Variants in PLA2G4F observed in about 807,000 individuals in gnomAD.
PLA2G4F encodes cytosolic phospholipase A2 zeta.
A neutral mutation model predicts 103.1 loss-of-function variants in PLA2G4F; 105 were observed. The ratio of observed to expected loss-of-function variants is 1.02; its 90% CI spans 0.87 to 1.20. PLA2G4F has a LOEUF of 1.20. PLA2G4F is among the 50% of genes most tolerant of loss of function. The pLI, the probability that PLA2G4F is intolerant of heterozygous loss-of-function variation, is 0.00. For missense variants in PLA2G4F, 1,155 were observed against 1,075.9 expected (o/e 1.07, Z -1.03); for synonymous variants, 468 against 441.1 (o/e 1.06, Z -0.76).
chr15:42,149,979 G>T, intron 10 of PLA2G4F, 125 bp downstream of exon 10: 1 of 1,535,334 alleles, frequency 6.5e-7, no homozygotes, highest in East Asian at 2.3e-5. Flanking sequence ...CAGAACCAGG[G>T]AGGGAAAAAT....
intron 17 of PLA2G4F, 85 bp from the exon 18 acceptor site, chr15:42,144,229 TTC>T: frequency 3.4e-6 from 5 of 1,488,612 alleles, no homozygotes; most frequent in Non-Finnish European, 4.5e-6. Context: ...CACGTTTGCC[TTC>T]TCTCTGTAGA....
At chr15:42,150,528 GAA>G (rs1219961779) in intron 8 of PLA2G4F, 42 bp from the exon 9 acceptor site, 7 of 1,601,806 alleles carry the variant, frequency 4.4e-6, no homozygotes, top group East Asian at 4.5e-5. Context: ...CAGCAGGGAA[GAA>G]AAGTCTCCCC....
At chr15:42,149,546 GT>G (rs752117872) in intron 11 of PLA2G4F, 166 bp downstream of exon 11, 34 of 985,268 alleles carry the variant, frequency 3.5e-5, no homozygotes, top group Non-Finnish European at 4.0e-5. Flanking sequence ...GGCCAGGGCC[GT>G]TTGGCCCTGG....
chr15:42,147,400 A>G, intron 12 of PLA2G4F, 54 bp from the exon 13 acceptor site: 2 of 1,520,710 alleles, frequency 1.3e-6, no homozygotes, highest in Non-Finnish European at 9.0e-7. Flanking sequence ...GCCACGGGAG[A>G]GAGGGGTGCA....
In PLA2G4F at chr15:42,147,094, CTACGTAT is replaced by C. The variant is rs1324346587; in HGVS notation, c.1419+23_1419+29del. 9 of 1,590,660 alleles carry C rather than the reference CTACGTAT, an allele frequency of 5.7e-6. No homozygotes were observed. The Admixed American group carries it at 1.5e-4, about 27-fold the overall frequency. ...GCGGGTGGAAGGAGTGGAGAGGAGC[CTACGTAT>C]TTCCTTCTGGCTCTTCTCTCACCTC... On this transcript the variant is annotated intron_variant, in intron 13 of 19. Coordinates refer to ENST00000397272, the MANE Select transcript of PLA2G4F (RefSeq NM_213600.4).
Position 42,141,200 on chromosome 15 carries a change from T to C in PLA2G4F, c.*784A>G, listed in dbSNP as rs1166210712. 2.2e-6 allele frequency: 1 copy of C among 456,308 alleles called. No homozygotes were observed. The highest frequency in any genetic ancestry group is 2.4e-5 in the Admixed American group (1 of 42,546). The allele number at this position is 456,308 out of a possible 1,614,324, so 28.3% of individuals were successfully genotyped here. A position where few individuals can be genotyped will look rare whatever the true frequency, so the allele number is the denominator to read the frequency against. On this transcript the variant is annotated 3_prime_UTR_variant, in exon 20 of 20. Coordinates refer to ENST00000397272, the MANE Select transcript of PLA2G4F (RefSeq NM_213600.4). ...GATGCCCCTACTAGACACACCCATT[T>C]AGCTCCTAGGAATGGTGAGACTATA...
At position 42,144,632 on chromosome 15, in the gene PLA2G4F, T is replaced by C. The variant is rs1345588747; in HGVS notation, c.1793A>G (p.Lys598Arg). The C allele has an allele frequency of 6.3e-7, 1 of 1,597,398 alleles. No homozygotes were observed. The highest frequency in any genetic ancestry group is 8.5e-7 in the Non-Finnish European group (1 of 1,171,104). ...CCTCGAGGGGTTGTGCAGCTGAGGC[T>C]TCTGGCAGTCGTCTAGACAGGGGCG... ...GSVNITDDCQ[K>R]PQLHNPSRLR... Residue 598 changes from lysine (K) to arginine (R), a missense_variant, in exon 17 of 20, where the codon AAG (lysine) becomes AGG (arginine). By Grantham distance (26) the Lys-to-Arg change is conservative. Transcript: ENST00000397272.
At chr15:42,144,201 C>G (rs776712427) in intron 17 of PLA2G4F, 57 bp from the exon 18 acceptor site, 5 of 1,530,454 alleles carry the variant, frequency 3.3e-6, no homozygotes, top group Non-Finnish European at 4.4e-6. Context: ...TGCTAGCAAC[C>G]GCTTCTGTAT....
chr15:42,156,243 A>T (rs1566883337), intron 1 of PLA2G4F, among the ~76,000 whole-genome samples, 196 bp downstream of exon 1: 1 of 152,206 alleles, frequency 6.6e-6, no homozygotes, highest in East Asian at 1.9e-4. Flanking sequence ...CAAGTGAACT[A>T]ACCCTCCATT....
rs373869053 is a variant in PLA2G4F at position 42,142,615 on chromosome 15, G to C, written c.2242C>G (p.Leu748Val). ...EDMEEARECY[L>V]FAKAEDPRSP... ...CGGGGGTCCTCAGCCTTGGCAAACAGATAGCACTCACGGGCCTCCTCCATG... is the reference window on the plus strand; with the variant it reads ...CGGGGGTCCTCAGCCTTGGCAAACACATAGCACTCACGGGCCTCCTCCATG... Residue 748 changes from leucine (L) to valine (V), a missense_variant, in exon 19 of 20, where the codon CTG (leucine) becomes GTG (valine). Transcript: ENST00000397272. The C allele has an allele frequency of 1.2e-6, 2 of 1,614,010 alleles. No individual in the cohort carries two copies. Among genetic ancestry groups the C allele is most frequent in the African/African-American group, 1.3e-5 (1 of 74,918 alleles).
Position 42,145,814 on chromosome 15 carries a change from C to G in PLA2G4F, c.1624G>C (p.Gly542Arg). The G allele has an allele frequency of 1.2e-6, 2 of 1,614,146 alleles. No individual in the cohort carries two copies. Among genetic ancestry groups the G allele is most frequent in the Non-Finnish European group, 1.7e-6 (2 of 1,180,038 alleles). The change falls in exon 15 of 20, where the codon GGA becomes CGA. Residue 542 changes from glycine (G) to arginine (R), a missense_variant. Gly to Arg is a moderately radical substitution (Grantham distance 125). Transcript: ENST00000397272. The stretch of plus-strand genomic sequence containing the variant: ...TCAGGCTGGAGCTGCAGCAATCGTC[C>G]CATGAAGAGTTCTGAGCCGAAGAGC... ...TELFGSELFM[G>R]RLLQLQPEPR...
At chr15:42,142,899 G>A (rs553598810) in intron 18 of PLA2G4F, among the ~76,000 whole-genome samples, 185 bp from the exon 19 acceptor site, 14 of 152,090 alleles carry the variant, frequency 9.2e-5, no homozygotes, top group East Asian at 3.9e-4. Flanking sequence ...TTAAACTTCC[G>A]GCCGGGCATG....
chr15:42,140,588 C>T lies in PLA2G4F; in HGVS notation c.*1396G>A, dbSNP rs1399646713. On this transcript the variant is annotated 3_prime_UTR_variant, in exon 20 of 20. Transcript: ENST00000397272. ...AGCCCAAATAACTGGCTCCCCCAGC[C>T]CTCGCAACTCATGCCAGCTGGAGGG... 6.6e-6 allele frequency: 1 copy of T among 152,444 alleles called. No homozygotes were observed. Among genetic ancestry groups the T allele is most frequent in the Non-Finnish European group, 1.5e-5 (1 of 68,238 alleles). 9.4% of individuals were successfully genotyped at this position (152,444 alleles called of 1,614,324 possible). A position where few individuals can be genotyped will look rare whatever the true frequency, so the allele number is the denominator to read the frequency against.
In PLA2G4F at chr15:42,142,068, G is replaced by T; in HGVS notation, c.2466C>A (p.Asn822Lys). 6.2e-7 allele frequency: 1 copy of T among 1,614,154 alleles called. No homozygotes were observed. The highest frequency in any genetic ancestry group is 8.5e-7 in the Non-Finnish European group (1 of 1,180,000). ...TCAAGGTCTCCACGTTGTTCAGGAC[G>T]TTGTATCGACTGAGGGCCACCAGCC... ...FYRLVALSRY[N>K]VLNNVETLKC... Residue 822 changes from asparagine (N) to lysine (K), a missense_variant, in exon 20 of 20, where the codon AAC becomes AAA. By Grantham distance (94) the Asn-to-Lys change is moderately conservative. Transcript: ENST00000397272.
chr15:42,141,184 A>T lies in PLA2G4F; in HGVS notation c.*800T>A, dbSNP rs694456. ...TCTCCCCCGATGAACTGATGCCCCT[A>T]CTAGACACACCCATTTAGCTCCTAG... On this transcript the variant is annotated 3_prime_UTR_variant, in exon 20 of 20. Transcript: ENST00000397272. The T allele has an allele frequency of 0.46, 208,434 of 454,890 alleles. 50,069 individuals carry two copies. The highest frequency in any genetic ancestry group is 0.56 in the African/African-American group (27,902 of 50,022). The allele number at this position is 454,890 out of a possible 1,614,324, so 28.2% of individuals were successfully genotyped here.
intron 12 of PLA2G4F, 133 bp from the exon 13 acceptor site, chr15:42,147,479 G>A: frequency 5.1e-6 from 7 of 1,368,502 alleles, no homozygotes; most frequent in Non-Finnish European, 7.1e-6. Context: ...ACTCAGAGGG[G>A]CGCTTGGGAC....
chr15:42,150,396 G>A lies in PLA2G4F; in HGVS notation c.862C>T (p.Gln288Ter). ...LSSLPLGQEE[Q>*]CSVALGEGQE... is the part of the protein sequence containing the mutation. ...ACCTCCCCCAGGGCCACAGAACACT[G>A]TTCCTCCTGGCCTAGGGGCAGAGAG... Residue 288 changes from glutamine to a stop codon, truncating the protein, a stop_gained, in exon 9 of 20, where the codon CAG (glutamine) becomes TAG (stop). Transcript: ENST00000397272. LOFTEE classifies it high-confidence loss of function. The A allele has an allele frequency of 6.2e-7, 1 of 1,612,308 alleles. No individual in the cohort carries two copies. Among genetic ancestry groups the A allele is most frequent in the South Asian group, 1.1e-5 (1 of 90,620 alleles).
At chr15:42,151,356 G>A in intron 7 of PLA2G4F, 1 of 985,180 alleles carries the variant, frequency 1.0e-6, no homozygotes, top group Non-Finnish European at 1.2e-6. Context: ...GGAAGATGAG[G>A]CCCAGGCTGG....
At chr15:42,149,136 T>C in intron 11 of PLA2G4F, 1 of 985,362 alleles carries the variant, frequency 1.0e-6, no homozygotes, top group Non-Finnish European at 1.2e-6. Flanking sequence ...TCCACATCCC[T>C]TTGATCACAT....
Sources: gnomAD v4.1 joint callset for allele counts (sites outside exome capture counted in the v4.1 genomes callset) on GRCh38, gnomAD v4.1.1 for gene constraint, MANE v1.5 for transcripts, NCBI Gene and HGNC (gene_info 2026-07-23, HGNC 2026-07-21) for gene names.